The following TMEM176A variants were observed in gnomAD, a reference collection of about 807,000 sequenced individuals.
TMEM176A encodes the protein transmembrane protein 176A, also known as hepatocellular carcinoma-associated antigen 112.
Under a neutral mutation model 27.9 loss-of-function variants are expected in TMEM176A, and 20 were observed. The ratio of observed to expected loss-of-function variants is 0.72; its 90% CI spans 0.50 to 1.04. The LOEUF is 1.04. Among genes scored for constraint, TMEM176A ranks in the 50% least tolerant of loss-of-function variants. The probability of loss-of-function intolerance (pLI) is 0.00; values close to 1 mark genes in which losing one functional copy is unlikely to be tolerated. For synonymous variants in TMEM176A, 125 were observed against 118.0 expected, an observed-to-expected ratio of 1.06 and a Z score of -0.38; for missense variants, 252 against 289.1, an observed-to-expected ratio of 0.87 and a Z score of 0.93.
Position 150,801,668 on chromosome 7 carries a change from C to T in TMEM176A, c.118C>T (p.Leu40=). 10 of 1,610,060 alleles carry T rather than the reference C, an allele frequency of 6.2e-6. No homozygotes were observed. Among genetic ancestry groups the T allele is most frequent in the Non-Finnish European group, 8.5e-6 (10 of 1,178,784 alleles). ...GCTCCTGCTCACCTGCTGCTCTGCG[C>T]TGCGGCCCCGGGCCACCCAGGCCAG... ...AKLLLTCCSA[L]RPRATQARGS... The change falls in exon 2 of 7, where the codon CTG becomes TTG. Residue 40 remains leucine, a synonymous_variant. Coordinates refer to ENST00000004103, the MANE Select transcript of TMEM176A (RefSeq NM_018487.3).
At chr7:150,801,129 CA>C in intron 1 of TMEM176A, 1 of 316,850 alleles carries the variant, frequency 3.2e-6, no homozygotes, top group Non-Finnish European at 4.6e-6. Context: ...CAGCTGCTGG[CA>C]CAGGAGCTCC....
chr7:150,803,630 G>A lies in TMEM176A; in HGVS notation c.353G>A (p.Arg118Lys). 6.2e-7 allele frequency: 1 copy of A among 1,614,058 alleles called. No individual in the cohort carries two copies. Reference protein sequence around the residue: ...KRGGTYWALLRTLLTLAAFST... With the variant: ...KRGGTYWALLKTLLTLAAFST... Reference sequence around the variant, plus strand: ...CTCCTCCCTCCCCAGGCCCTGCTGAGGACTCTGCTAACGCTGGCAGCTTTC... The same window carrying A: ...CTCCTCCCTCCCCAGGCCCTGCTGAAGACTCTGCTAACGCTGGCAGCTTTC... Residue 118 changes from arginine (R) to lysine (K), a missense_variant, in exon 5 of 7, where the codon AGG (arginine) becomes AAG (lysine). Transcript: ENST00000004103.
At chr7:150,802,699 T>C (rs714885) in intron 3 of TMEM176A, 696,799 of 1,056,412 alleles carry the variant, frequency 0.66, 230,775 homozygotes, top group Middle Eastern at 0.77. Flanking sequence ...CTGGTTATTC[T>C]CATTGTCCTC....
chr7:150,801,744 T>G lies in TMEM176A; in HGVS notation c.174+20T>G. The G allele has an allele frequency of 6.7e-7, 1 of 1,484,700 alleles. No individual in the cohort carries two copies. The highest frequency in any genetic ancestry group is 8.9e-7 in the Non-Finnish European group (1 of 1,127,546). 92.0% of individuals were successfully genotyped at this position (1,484,700 alleles called of 1,614,324 possible). A position where few individuals can be genotyped will look rare whatever the true frequency, so the allele number is the denominator to read the frequency against. On this transcript the variant is annotated intron_variant, in intron 2 of 6. Transcript: ENST00000004103. ...TCGTGGGTGAGTGTGACGGCCTGCC[T>G]CGTCGGGCGGCGGGAGGAACTCCCC... is the stretch of plus-strand genomic sequence containing the variant.
rs1798834103 is a variant in TMEM176A, at chr7:150,802,541, G to A, written c.285+216G>A. 2.1e-5 allele frequency: 14 copies of A among 663,446 alleles called. No homozygotes were observed. The East Asian group carries it at 3.6e-4, about 17-fold the overall frequency. 41.1% of individuals were successfully genotyped at this position (663,446 alleles called of 1,614,324 possible). A position where few individuals can be genotyped will look rare whatever the true frequency, so the allele number is the denominator to read the frequency against. Reference sequence around the variant, plus strand: ...GCTCTCCCATACCCTTCCCAGTGCTGTTCCCACCAGGCTGGCTGCCTCTCC... The same window carrying A: ...GCTCTCCCATACCCTTCCCAGTGCTATTCCCACCAGGCTGGCTGCCTCTCC... On this transcript the variant is annotated intron_variant, in intron 3 of 6. Transcript: ENST00000004103.
chr7:150,801,117 C>A, intron 1 of TMEM176A: 1 of 417,500 alleles, frequency 2.4e-6, no homozygotes, highest in Non-Finnish European at 3.2e-6. Context: ...GCAGCCGGGG[C>A]GCAGCTGCTG....
intron 1 of TMEM176A, chr7:150,801,050 G>T: frequency 1.0e-6 from 1 of 956,168 alleles, no homozygotes; most frequent in Non-Finnish European, 1.2e-6. Context: ...CGTCGGGCGT[G>T]AGCAGCAGTC....
In TMEM176A at chr7:150,804,334, G is replaced by A. The variant is rs1311364866; in HGVS notation, c.556-28G>A. 4 of 1,573,682 alleles carry A rather than the reference G, an allele frequency of 2.5e-6. No homozygotes were observed. The South Asian group carries it at 4.4e-5, about 17-fold the overall frequency. ...GCAGGAAGGCAGCTGTCATCCTGGT[G>A]CTTATGGCCTTGGCCCTCTGTCCCC... On this transcript the variant is annotated intron_variant, in intron 5 of 6. Transcript: ENST00000004103.
chr7:150,801,456 G>T, intron 1 of TMEM176A, 80 bp from the exon 2 acceptor site: 11 of 1,441,740 alleles, frequency 7.6e-6, no homozygotes, highest in East Asian at 2.3e-5. Flanking sequence ...GCCACCACTG[G>T]CCCCTGACCT....
chr7:150,805,062 C>T lies in TMEM176A; in HGVS notation c.*194C>T. On this transcript the variant is annotated 3_prime_UTR_variant, in exon 7 of 7. Coordinates refer to ENST00000004103, the MANE Select transcript of TMEM176A (RefSeq NM_018487.3). ...TACACCCCTTCCCCATCCTGCTCCG[C>T]TTCATGTCCCCTCCTGAGTAGTCAT... The T allele has an allele frequency of 1.6e-6, 1 of 618,738 alleles. No individual in the cohort carries two copies. The highest frequency in any genetic ancestry group is 2.9e-6 in the Non-Finnish European group (1 of 347,144). 38.3% of individuals were successfully genotyped at this position (618,738 alleles called of 1,614,324 possible). A position where few individuals can be genotyped will look rare whatever the true frequency, so the allele number is the denominator to read the frequency against.
At position 150,803,540 on chromosome 7, in the gene TMEM176A, G is replaced by A. The variant is rs370945128; in HGVS notation, c.343-80G>A. 2,667 of 1,586,944 alleles carry A rather than the reference G, an allele frequency of 1.7e-3. 76 individuals are homozygous for A. The South Asian group carries it at 0.029, about 17-fold the overall frequency. On this transcript the variant is annotated intron_variant, in intron 4 of 6. Coordinates refer to ENST00000004103, the MANE Select transcript of TMEM176A (RefSeq NM_018487.3). ...TCCTGCCCTGTTGCAGGCTTCTCTG[G>A]GCCTTGCCCTTTTTTCCCCCGACTG...
intron 5 of TMEM176A, 59 bp from the exon 6 acceptor site, chr7:150,804,303 G>T: frequency 7.3e-7 from 1 of 1,375,194 alleles, no homozygotes. Context: ...GGAGCATGGG[G>T]ACAGAGCAGG....
chr7:150,804,826 G>T lies in TMEM176A; in HGVS notation c.667-1G>T. The T allele has an allele frequency of 1.2e-6, 2 of 1,614,202 alleles. No homozygotes were observed. Among genetic ancestry groups the T allele is most frequent in the Non-Finnish European group, 1.7e-6 (2 of 1,180,024 alleles). ...TTGTCTTGCCTTTCCTCTTCCATTA[G>T]AAAAGAGACCAGAAGGAAATGTTGG... On this transcript the variant is annotated splice_acceptor_variant, in intron 6 of 6. Coordinates refer to ENST00000004103, the MANE Select transcript of TMEM176A (RefSeq NM_018487.3). LOFTEE classifies it high-confidence loss of function.
In TMEM176A at chr7:150,802,321, C is replaced by T. The variant is rs147913704; in HGVS notation, c.281C>T (p.Ala94Val). 8.1e-6 allele frequency: 13 copies of T among 1,613,834 alleles called. No homozygotes were observed. The African/African-American group carries it at 1.7e-4, about 22-fold the overall frequency. ...VTSGAAIWTG[A>V]VAVLAGAAAF... ...TCGGGAGCTGCCATCTGGACAGGGG[C>T]TGTGGTGAGTAGAGCAGGACAGTGC... Residue 94 changes from alanine to valine, a missense_variant, in exon 3 of 7, where the codon GCT becomes GTT. Coordinates refer to ENST00000004103, the MANE Select transcript of TMEM176A (RefSeq NM_018487.3).
In TMEM176A at chr7:150,803,432, C is replaced by A; in HGVS notation, c.318C>A (p.Tyr106Ter). The change falls in exon 4 of 7, where the codon TAC becomes TAA. Residue 106 changes from tyrosine (Y) to a stop codon, truncating the protein, a stop_gained. Transcript: ENST00000004103. LOFTEE classifies it high-confidence loss of function. ...TGGCTGGAGCTGCTGCCTTCATTTA[C>A]GAGAAACGGGGTGGTACATACTGGG... ...AVLAGAAAFI[Y>*]EKRGGTYWAL... The A allele has an allele frequency of 6.3e-7, 1 of 1,595,578 alleles. No homozygotes were observed. The highest frequency in any genetic ancestry group is 8.5e-7 in the Non-Finnish European group (1 of 1,171,736).
At chr7:150,803,055 A>T (rs1368670112) in intron 3 of TMEM176A, 1 of 1,030,344 alleles carries the variant, frequency 9.7e-7, no homozygotes, top group African/African-American at 1.7e-5. Flanking sequence ...CTTCATTGAG[A>T]TCTTCTCCAG....
Position 150,801,625 on chromosome 7 carries a change from G to T in TMEM176A, c.75G>T (p.Gln25His), listed in dbSNP as rs1158369289. Residue 25 changes from glutamine to histidine, a missense_variant, in exon 2 of 7, where the codon CAG becomes CAT. By Grantham distance (24) the Gln-to-His change is conservative. Transcript: ENST00000004103. ...CCCACATCGATGTGCACATCCACCA[G>T]GAGTCTGCCCTGGCCAAGCTCCTGC... ...QHTHIDVHIH[Q>H]ESALAKLLLT... The T allele has an allele frequency of 1.2e-6, 2 of 1,613,466 alleles. No homozygotes were observed. Among genetic ancestry groups the T allele is most frequent in the East Asian group, 4.5e-5 (2 of 44,852 alleles).
chr7:150,802,236 A>T lies in TMEM176A; in HGVS notation c.196A>T (p.Ile66Phe), dbSNP rs1344731221. ...ASWVMQIVLG[I>F]LSAVLGGFFY... Reference sequence around the variant, plus strand: ...TCAGGTGATGCAGATCGTGCTGGGGATCTTGAGTGCAGTCCTAGGAGGATT... The same window carrying T: ...TCAGGTGATGCAGATCGTGCTGGGGTTCTTGAGTGCAGTCCTAGGAGGATT... The change falls in exon 3 of 7, where the codon ATC (isoleucine) becomes TTC (phenylalanine). Residue 66 changes from isoleucine to phenylalanine, a missense_variant. Transcript: ENST00000004103. The T allele has an allele frequency of 6.2e-7, 1 of 1,613,384 alleles. No individual in the cohort carries two copies. The highest frequency in any genetic ancestry group is 8.5e-7 in the Non-Finnish European group (1 of 1,179,890).
intron 3 of TMEM176A, 36 bp downstream of exon 3, chr7:150,802,361 G>C (rs1163028974): frequency 1.3e-6 from 2 of 1,578,846 alleles, no homozygotes; most frequent in Admixed American, 1.7e-5. Flanking sequence ...CTGCCTGTGA[G>C]AGGGGTGGGG....
Sources: gnomAD v4.1 joint callset for allele counts on GRCh38, gnomAD v4.1.1 for gene constraint, MANE v1.5 for transcripts, NCBI Gene and HGNC (gene_info 2026-07-23, HGNC 2026-07-21) for gene names.